Variants in FAM240B observed in about 807,000 individuals in gnomAD.
The protein encoded by FAM240B is family with sequence similarity 240 member B.
At position 38,699,393 on chromosome 9, in the gene FAM240B, C is replaced by T. The variant is rs571945126; in HGVS notation, c.143+4464G>A. Among the ~76,000 whole-genome samples, 20 of 152,038 alleles carry T rather than the reference C, an allele frequency of 1.3e-4. 1 individual carries two copies. Among genetic ancestry groups the T allele is most frequent in the African/African-American group, 2.2e-4 (9 of 41,372 alleles). ...GAAGCAGATTTGTGGGAAACACCTG[C>T]GAAAAGTAAAGAAGGGAGGAAACTG... On this transcript the variant is annotated intron_variant, in intron 2 of 2. Transcript: ENST00000637493.
chr9:38,706,346 C>T (rs182170919), intron 1 of FAM240B, among the ~76,000 whole-genome samples: 69 of 152,172 alleles, frequency 4.5e-4, no homozygotes, highest in African/African-American at 1.3e-3. Flanking sequence ...CCCACCGCTC[C>T]CGGACACTCC....
intron 2 of FAM240B, among the ~76,000 whole-genome samples, chr9:38,701,311 T>A (rs1169620663): frequency 6.6e-6 from 1 of 152,180 alleles, no homozygotes; most frequent in Non-Finnish European, 1.5e-5. Flanking sequence ...GTTAGGACAA[T>A]GTTTCAAACT....
chr9:38,714,733 G>C (rs4129109), intron 1 of FAM240B, among the ~76,000 whole-genome samples: 129,117 of 152,068 alleles, frequency 0.85, 54,974 homozygotes, highest in South Asian at 0.89. Flanking sequence ...TACAAAATAT[G>C]TGAACACTGT....
intron 1 of FAM240B, among the ~76,000 whole-genome samples, chr9:38,715,834 T>C (rs1821298141): frequency 6.6e-6 from 1 of 152,164 alleles, no homozygotes; most frequent in African/African-American, 2.4e-5. Flanking sequence ...TGCCTTAGCT[T>C]CCTGGAGAAA....
chr9:38,713,873 G>A (rs1821283531), intron 1 of FAM240B, among the ~76,000 whole-genome samples: 1 of 152,196 alleles, frequency 6.6e-6, no homozygotes, highest in Non-Finnish European at 1.5e-5. Flanking sequence ...CCAAATGAAT[G>A]TTAAAAAGTA....
chr9:38,701,708 A>C (rs529315699), intron 2 of FAM240B, among the ~76,000 whole-genome samples: 270 of 152,298 alleles, frequency 1.8e-3, no homozygotes, highest in Middle Eastern at 6.8e-3. Flanking sequence ...GAGCACAAAG[A>C]TTTATTCTTT....
At chr9:38,704,114 T>C in intron 1 of FAM240B, 112 bp from the exon 2 acceptor site, 2 of 396,176 alleles carry the variant, frequency 5.0e-6, no homozygotes, top group Non-Finnish European at 8.9e-6. Context: ...CTTGTTTTTT[T>C]TTTTTTTTTT....
chr9:38,715,321 A>G (rs2119014752), intron 1 of FAM240B, among the ~76,000 whole-genome samples: 1 of 152,382 alleles, frequency 6.6e-6, no homozygotes, highest in African/African-American at 2.4e-5. Context: ...AAATGGAACA[A>G]CATGTACTTT....
chr9:38,703,709 A>G (rs955610891), intron 2 of FAM240B, 148 bp downstream of exon 2: 1 of 394,402 alleles, frequency 2.5e-6, no homozygotes, highest in Non-Finnish European at 4.5e-6. Context: ...TCCTCCTGTC[A>G]CTGCACAGAA....
chr9:38,717,615 G>C (rs963912323), intron 1 of FAM240B, among the ~76,000 whole-genome samples: 3 of 151,972 alleles, frequency 2.0e-5, no homozygotes, highest in Non-Finnish European at 4.4e-5. Context: ...TGAGTAGCTG[G>C]GACTACAGGC....
At chr9:38,699,344 T>C (rs996257749) in intron 2 of FAM240B, among the ~76,000 whole-genome samples, 4 of 152,174 alleles carry the variant, frequency 2.6e-5, no homozygotes, top group East Asian at 1.9e-4. Flanking sequence ...GCACTAAACA[T>C]ATGTGTCAGT....
intron 2 of FAM240B, among the ~76,000 whole-genome samples, chr9:38,700,355 G>T (rs1821111676): frequency 6.6e-6 from 1 of 152,150 alleles, no homozygotes; most frequent in Non-Finnish European, 1.5e-5. Context: ...TTGGGGTGAG[G>T]CTTGATGCAC....
chr9:38,703,216 T>C (rs550783686), intron 2 of FAM240B, among the ~76,000 whole-genome samples: 1 of 152,354 alleles, frequency 6.6e-6, no homozygotes, highest in South Asian at 2.1e-4. Flanking sequence ...TGTTTTATGA[T>C]GTTTTGACAT....
At chr9:38,707,241 GA>G (rs1433592628) in intron 1 of FAM240B, among the ~76,000 whole-genome samples, 1 of 152,098 alleles carries the variant, frequency 6.6e-6, no homozygotes, top group African/African-American at 2.4e-5. Context: ...AATTGATAAT[GA>G]ACATTTTATT....
intron 2 of FAM240B, among the ~76,000 whole-genome samples, chr9:38,701,726 A>G (rs1821129985): frequency 6.6e-6 from 1 of 152,216 alleles, no homozygotes; most frequent in South Asian, 2.1e-4. Context: ...TTTCAGTCAT[A>G]GAAGTTAGAG....
At chr9:38,700,445 C>T (rs1050243509) in intron 2 of FAM240B, among the ~76,000 whole-genome samples, 9 of 152,202 alleles carry the variant, frequency 5.9e-5, no homozygotes, top group Middle Eastern at 3.4e-3. Flanking sequence ...ACTTCTTGCC[C>T]GAAAACATTA....
At chr9:38,715,342 C>A (rs1378840196) in intron 1 of FAM240B, among the ~76,000 whole-genome samples, 1 of 152,226 alleles carries the variant, frequency 6.6e-6, no homozygotes, top group Non-Finnish European at 1.5e-5. Flanking sequence ...CCCAATTAAC[C>A]AGTTTTCAGT....
intron 2 of FAM240B, among the ~76,000 whole-genome samples, chr9:38,699,703 G>A (rs1045150351): frequency 6.6e-6 from 1 of 152,144 alleles, no homozygotes; most frequent in Non-Finnish European, 1.5e-5. Context: ...GAAAGGGAGC[G>A]GCCGGCACTA....
intron 2 of FAM240B, among the ~76,000 whole-genome samples, chr9:38,699,213 C>G (rs562558326): frequency 6.6e-6 from 1 of 152,096 alleles, no homozygotes; most frequent in Non-Finnish European, 1.5e-5. Flanking sequence ...TTGATAAGTC[C>G]GGGGCTTACC....
Sources: allele counts gnomAD v4.1 joint callset (sites outside exome capture counted in the v4.1 genomes callset), GRCh38; gene constraint gnomAD v4.1.1; transcripts MANE v1.5; gene names NCBI Gene and HGNC (gene_info 2026-07-23, HGNC 2026-07-21).